USP47: variants seen among roughly 807,000 people sequenced by gnomAD.
USP47 encodes the protein ubiquitin specific peptidase 47.
A neutral mutation model predicts 165.1 loss-of-function variants in USP47; 35 were observed. The observed-to-expected ratio is 0.21, with a 90% CI of 0.16 to 0.28. USP47 has a LOEUF of 0.28. Among genes scored for constraint, USP47 ranks in the 10% least tolerant of loss-of-function variants. USP47 has a pLI of 1.00. For missense variants in USP47, 1,277 were observed against 1,607.4 expected (o/e 0.79, Z 3.52); for synonymous variants, 531 against 544.5 (o/e 0.98, Z 0.35).
chr11:11,870,007 T>C (rs1474127686), intron 1 of USP47, among the ~76,000 whole-genome samples: 1 of 152,212 alleles, frequency 6.6e-6, no homozygotes, highest in East Asian at 1.9e-4. Flanking sequence ...AGATCATTTA[T>C]ATTTGATGTA....
At chr11:11,866,690 A>C (rs759929304) in intron 1 of USP47, among the ~76,000 whole-genome samples, 4 of 152,146 alleles carry the variant, frequency 2.6e-5, no homozygotes, top group Non-Finnish European at 4.4e-5. Context: ...TTGGTGACAG[A>C]AATCTCTGTT....
chr11:11,899,120 G>A (rs1422526797), intron 5 of USP47, among the ~76,000 whole-genome samples: 6 of 152,050 alleles, frequency 3.9e-5, no homozygotes, highest in African/African-American at 1.4e-4. Context: ...GTGTTGCGGG[G>A]GGCTTCAGGA....
At position 11,948,486 on chromosome 11, in the gene USP47, T is replaced by C. The variant is rs377053549; in HGVS notation, c.3276T>C (p.Ile1092=). The change falls in exon 22 of 28, where the codon ATT becomes ATC. Residue 1092 remains isoleucine (I), a synonymous_variant. Transcript: ENST00000527733. Reference sequence around the variant, plus strand: ...ATGTTTTTAACTTATAGATTACAATTAGACTGGGGAGAGCACTTAAAAAAG... The same window carrying C: ...ATGTTTTTAACTTATAGATTACAATCAGACTGGGGAGAGCACTTAAAAAAG... ...SSFSDDNKIT[I]RLGRALKKGE... The C allele has an allele frequency of 7.4e-6, 12 of 1,612,076 alleles. No individual in the cohort carries two copies. The highest frequency in any genetic ancestry group is 9.3e-6 in the Non-Finnish European group (11 of 1,178,628).
At chr11:11,875,794 G>C (rs1363174749) in intron 1 of USP47, among the ~76,000 whole-genome samples, 1 of 152,168 alleles carries the variant, frequency 6.6e-6, no homozygotes, top group African/African-American at 2.4e-5. Flanking sequence ...GTAGAGACAG[G>C]GTTTTGCCCT....
rs569368034 is a variant in USP47 at position 11,900,301 on chromosome 11, C to T, written c.594-2414C>T. Among the ~76,000 whole-genome samples the T allele has an allele frequency of 7.8e-4, 118 of 152,018 alleles. 1 individual carries two copies. Among genetic ancestry groups the T allele is most frequent in the African/African-American group, 2.7e-3 (113 of 41,490 alleles). On this transcript the variant is annotated intron_variant, in intron 5 of 27. Transcript: ENST00000527733. Reference sequence around the variant, plus strand: ...TCAGCCTCCCAAGTAGCTGGGACTACAGGCGCCAGCCACCTCGCCAGGCTA... The same window carrying T: ...TCAGCCTCCCAAGTAGCTGGGACTATAGGCGCCAGCCACCTCGCCAGGCTA...
At chr11:11,862,921 C>T (rs368088691) in intron 1 of USP47, among the ~76,000 whole-genome samples, 2 of 152,192 alleles carry the variant, frequency 1.3e-5, no homozygotes, top group East Asian at 3.9e-4. Context: ...TTAGGGTATA[C>T]ATTGCCTGAA....
intron 24 of USP47, chr11:11,950,988 G>T (rs923026652): frequency 6.6e-6 from 1 of 152,508 alleles, no homozygotes; most frequent in African/African-American, 2.4e-5. Flanking sequence ...ATGACTATTT[G>T]TGTCCTAAGC....
chr11:11,882,677 C>T lies in USP47; in HGVS notation c.244-1790C>T, dbSNP rs554292277. Among the ~76,000 whole-genome samples, 228 of 152,154 alleles carry T rather than the reference C, an allele frequency of 1.5e-3. 5 individuals carry two copies. In the South Asian group the frequency reaches 0.044, roughly 30 times the overall value. ...AGCCTTACTCAGTGTTTCCTCATGC[C>T]GCTTTAAAAGTAATTTTTTTCTCTT... On this transcript the variant is annotated intron_variant, in intron 2 of 27. Coordinates refer to ENST00000527733, the MANE Select transcript of USP47 (RefSeq NM_001282659.2).
intron 24 of USP47, chr11:11,952,299 G>A (rs954773685): frequency 1.3e-5 from 2 of 152,202 alleles, no homozygotes; most frequent in African/African-American, 4.8e-5. Context: ...GTGACATAAT[G>A]GAAAAGTGAC....
At chr11:11,851,411 C>G (rs1335040916) in intron 1 of USP47, among the ~76,000 whole-genome samples, 1 of 152,208 alleles carries the variant, frequency 6.6e-6, no homozygotes, top group African/African-American at 2.4e-5. Context: ...TTGGACTCCA[C>G]TCTCGTTCCC....
At chr11:11,874,355 T>G (rs1850255846) in intron 1 of USP47, among the ~76,000 whole-genome samples, 1 of 152,138 alleles carries the variant, frequency 6.6e-6, no homozygotes, top group Non-Finnish European at 1.5e-5. Flanking sequence ...GCTCCTTTAA[T>G]CTCTCTTATC....
intron 5 of USP47, among the ~76,000 whole-genome samples, chr11:11,901,644 G>A (rs1364444393): frequency 6.6e-6 from 1 of 151,828 alleles, no homozygotes; most frequent in Non-Finnish European, 1.5e-5. Flanking sequence ...TTTTTATTAT[G>A]GAAAATTTTA....
chr11:11,875,194 TAC>T (rs1193708740), intron 1 of USP47, among the ~76,000 whole-genome samples: 1 of 152,150 alleles, frequency 6.6e-6, no homozygotes, highest in Non-Finnish European at 1.5e-5. Context: ...AATTTTAAAA[TAC>T]TTTATCTTAA....
Position 11,922,213 on chromosome 11 carries a change from T to A in USP47, c.1219-511T>A, listed in dbSNP as rs139598329. ...TATAATGTGCTGTAACCATTATATT[T>A]CTACTTCCTGTAAAAAGACTATCAA... is the stretch of plus-strand genomic sequence containing the variant. On this transcript the variant is annotated intron_variant, in intron 10 of 27. Coordinates refer to ENST00000527733, the MANE Select transcript of USP47 (RefSeq NM_001282659.2). Among the ~76,000 whole-genome samples, 1,134 of 152,086 alleles carry A rather than the reference T, an allele frequency of 7.5e-3. 18 individuals carry two copies. The highest frequency in any genetic ancestry group is 0.026 in the African/African-American group (1,090 of 41,556).
At position 11,897,658 on chromosome 11, in the gene USP47, T is replaced by A. The variant is rs1240279865; in HGVS notation, c.558T>A (p.Leu186=). Residue 186 remains leucine (L), a synonymous_variant, in exon 5 of 28, where the codon CTT becomes CTA. Coordinates refer to ENST00000527733, the MANE Select transcript of USP47 (RefSeq NM_001282659.2). ...ATTTGAATAGCCTTTTGCAAACACT[T>A]TTTATGACTCCTGAATTTAGGAATG... ...TCYLNSLLQT[L]FMTPEFRNAL... is the part of the protein sequence containing the mutation. 2 of 1,611,534 alleles carry A rather than the reference T, an allele frequency of 1.2e-6. No homozygotes were observed. Among genetic ancestry groups the A allele is most frequent in the Admixed American group, 3.3e-5 (2 of 59,894 alleles).
intron 8 of USP47, among the ~76,000 whole-genome samples, chr11:11,919,044 G>T (rs1853635228): frequency 1.4e-5 from 1 of 69,956 alleles, no homozygotes. Context: ...CCAGCCGTTT[G>T]GTTTCTTCAC....
At chr11:11,943,154 GT>G (rs1564891227) in intron 20 of USP47, 42 bp downstream of exon 20, 1 of 1,547,274 alleles carries the variant, frequency 6.5e-7, no homozygotes, top group East Asian at 2.3e-5. Context: ...AACAGCATCA[GT>G]TTTTCTCTCA....
intron 8 of USP47, among the ~76,000 whole-genome samples, chr11:11,911,927 C>T (rs1853025251): frequency 1.3e-5 from 2 of 151,808 alleles, no homozygotes; most frequent in South Asian, 4.2e-4. Flanking sequence ...ATCAGATTAG[C>T]AGACAGGAAT....
chr11:11,885,390 A>G (rs1027444477), intron 3 of USP47, among the ~76,000 whole-genome samples: 3 of 152,130 alleles, frequency 2.0e-5, no homozygotes, highest in Non-Finnish European at 4.4e-5. Context: ...GAATGAAGAA[A>G]AGCAGGGTGG....
Sources: gnomAD v4.1 joint callset for allele counts (sites outside exome capture counted in the v4.1 genomes callset) on GRCh38, gnomAD v4.1.1 for gene constraint, MANE v1.5 for transcripts, NCBI Gene and HGNC (gene_info 2026-07-23, HGNC 2026-07-21) for gene names.